The following ATP2C2 variants were observed in gnomAD, a reference collection of about 807,000 sequenced individuals.
The protein encoded by ATP2C2 is calcium-transporting ATPase type 2C member 2.
In ATP2C2, 171 loss-of-function variants were observed where a neutral mutation model predicts 110.8. The ratio of observed to expected loss-of-function variants is 1.54; its 90% CI spans 1.36 to 1.75. The LOEUF is 1.75. Ranked by LOEUF, ATP2C2 falls within the 40% of genes most tolerant of loss-of-function variation. ATP2C2 has a pLI of 0.00. For missense variants in ATP2C2, 1,963 were observed against 1,235.0 expected (o/e 1.59, Z -8.84); for synonymous variants, 804 against 508.4 (o/e 1.58, Z -7.82).
chr16:84,394,969 C>G (rs1367967749), intron 1 of ATP2C2, among the ~76,000 whole-genome samples: 1 of 152,146 alleles, frequency 6.6e-6, no homozygotes, highest in African/African-American at 2.4e-5. Flanking sequence ...ACAACATTCA[C>G]GTGCGTCAGT....
At chr16:84,394,380 A>G (rs927594136) in intron 1 of ATP2C2, among the ~76,000 whole-genome samples, 5 of 152,014 alleles carry the variant, frequency 3.3e-5, no homozygotes, top group African/African-American at 1.2e-4. Context: ...CCCCAGTCCC[A>G]GTCTGCTTTC....
In ATP2C2 at chr16:84,368,583, T is replaced by G. The variant is rs1230799954; in HGVS notation, c.-33T>G. The G allele has an allele frequency of 2.0e-6, 3 of 1,505,534 alleles. No individual in the cohort carries two copies. Among genetic ancestry groups the G allele is most frequent in the African/African-American group, 2.9e-5 (2 of 69,794 alleles). The allele number at this position is 1,505,534 out of a possible 1,614,324, so 93.3% of individuals were successfully genotyped here. A position where few individuals can be genotyped will look rare whatever the true frequency, so the allele number is the denominator to read the frequency against. On this transcript the variant is annotated 5_prime_UTR_variant, in exon 1 of 27. Transcript: ENST00000262429. ...GCCATCCCGGGCCTCGCCGGGGACC[T>G]AGGGACGCAGGCAACGCCTGCGCCC...
At chr16:84,368,980 C>T (rs182918060) in intron 1 of ATP2C2, among the ~76,000 whole-genome samples, 1 of 152,304 alleles carries the variant, frequency 6.6e-6, no homozygotes, top group East Asian at 1.9e-4. Context: ...CTAAGGGGCA[C>T]GGAGCTAGGA....
At chr16:84,388,392 G>C (rs905733315) in intron 1 of ATP2C2, among the ~76,000 whole-genome samples, 1 of 152,210 alleles carries the variant, frequency 6.6e-6, no homozygotes. Context: ...TACAGAACTT[G>C]CTGGAACACA....
At chr16:84,369,587 T>C (rs1909833859) in intron 1 of ATP2C2, among the ~76,000 whole-genome samples, 1 of 152,084 alleles carries the variant, frequency 6.6e-6, no homozygotes, top group Non-Finnish European at 1.5e-5. Context: ...ATTAGAAATA[T>C]GACTTGGCGA....
At chr16:84,454,039 C>T (rs1910564911) in intron 20 of ATP2C2, among the ~76,000 whole-genome samples, 1 of 152,158 alleles carries the variant, frequency 6.6e-6, no homozygotes, top group Non-Finnish European at 1.5e-5. Flanking sequence ...CAGGGTTTCG[C>T]CATGTTGGCC....
intron 11 of ATP2C2, among the ~76,000 whole-genome samples, chr16:84,430,237 C>T (rs1908145887): frequency 6.6e-6 from 1 of 152,132 alleles, no homozygotes; most frequent in African/African-American, 2.4e-5. Flanking sequence ...GGTGGATGGA[C>T]AACAAGCTCG....
intron 1 of ATP2C2, 81 bp from the exon 2 acceptor site, chr16:84,398,418 T>C (rs1398191784): frequency 3.5e-6 from 3 of 845,710 alleles, no homozygotes; most frequent in Non-Finnish European, 3.3e-6. Flanking sequence ...AAAAATAAAC[T>C]AATAAAAATA....
intron 11 of ATP2C2, among the ~76,000 whole-genome samples, chr16:84,437,663 A>C (rs748288605): frequency 6.6e-6 from 1 of 152,122 alleles, no homozygotes; most frequent in African/African-American, 2.4e-5. Flanking sequence ...TTACAGGTGC[A>C]TGCCACCACA....
At chr16:84,410,520 C>G in intron 4 of ATP2C2, 48 bp from the exon 5 acceptor site, 2 of 1,600,604 alleles carry the variant, frequency 1.2e-6, no homozygotes, top group East Asian at 2.2e-5. Flanking sequence ...CCTGTCCCCC[C>G]TCCCACTGAG....
chr16:84,444,811 C>G lies in ATP2C2; in HGVS notation c.1402-1518C>G, dbSNP rs147794583. ...AAGATTTTGGAATACAGAACAAACA[C>G]TGGCTGGCATGTAGGAAGTGCTGCC... On this transcript the variant is annotated intron_variant, in intron 15 of 26. Transcript: ENST00000262429. Among the ~76,000 whole-genome samples the G allele has an allele frequency of 7.2e-5, 11 of 152,332 alleles. No homozygotes were observed. The East Asian group carries it at 7.7e-4, about 11-fold the overall frequency.
In ATP2C2 at chr16:84,370,294, G is replaced by A. The variant is rs1168598909; in HGVS notation, c.99+1580G>A. Reference sequence around the variant, plus strand: ...GTGCTCTCCCACCTGGCTGTGGACCGGGGTGCTCTCAGCAGCATCCTGAGG... The same window carrying A: ...GTGCTCTCCCACCTGGCTGTGGACCAGGGTGCTCTCAGCAGCATCCTGAGG... On this transcript the variant is annotated intron_variant, in intron 1 of 26. Transcript: ENST00000262429. Among the ~76,000 whole-genome samples the A allele has an allele frequency of 2.6e-5, 4 of 152,202 alleles. No homozygotes were observed. In the East Asian group the frequency reaches 5.8e-4, roughly 22 times the overall value.
At chr16:84,417,833 C>G (rs1345790432) in intron 7 of ATP2C2, among the ~76,000 whole-genome samples, 1 of 152,212 alleles carries the variant, frequency 6.6e-6, no homozygotes, top group Admixed American at 6.5e-5. Context: ...TTCCATTAAA[C>G]AATCAATAGC....
intron 1 of ATP2C2, among the ~76,000 whole-genome samples, chr16:84,389,133 C>G (rs1377954884): frequency 6.6e-6 from 1 of 152,196 alleles, no homozygotes; most frequent in Non-Finnish European, 1.5e-5. Context: ...TCTTCTCTTT[C>G]TCTGAAACCC....
At chr16:84,399,665 T>C (rs1905202335) in intron 2 of ATP2C2, among the ~76,000 whole-genome samples, 1 of 152,206 alleles carries the variant, frequency 6.6e-6, no homozygotes, top group Non-Finnish European at 1.5e-5. Context: ...TGCATATTTA[T>C]GGGTTCCAGA....
intron 9 of ATP2C2, 31 bp downstream of exon 9, chr16:84,422,728 T>C: frequency 6.3e-7 from 1 of 1,580,928 alleles, no homozygotes; most frequent in Non-Finnish European, 8.6e-7. Flanking sequence ...TCGGGACTTT[T>C]GTAAGCTGGA....
chr16:84,379,848 C>T lies in ATP2C2; in HGVS notation c.99+11134C>T, dbSNP rs117756607. ...TTCCTCCAGTGAGTATATAATTACACACTGAGATAAACCCCAGGAAGGAAA... is the reference window on the plus strand; with the variant it reads ...TTCCTCCAGTGAGTATATAATTACATACTGAGATAAACCCCAGGAAGGAAA... On this transcript the variant is annotated intron_variant, in intron 1 of 26. Coordinates refer to ENST00000262429, the MANE Select transcript of ATP2C2 (RefSeq NM_014861.4). 2.0e-3 allele frequency among the ~76,000 whole-genome samples: 309 copies of T among 152,200 alleles called. 1 individual carries two copies. Among genetic ancestry groups the T allele is most frequent in the Middle Eastern group, 0.014 (4 of 294 alleles).
At chr16:84,451,343 G>A (rs1001659369) in intron 17 of ATP2C2, among the ~76,000 whole-genome samples, 1 of 152,140 alleles carries the variant, frequency 6.6e-6, no homozygotes. Flanking sequence ...ATGAGATTTG[G>A]GTGGGGACAC....
At chr16:84,423,888 G>C (rs771076204) in intron 10 of ATP2C2, among the ~76,000 whole-genome samples, 3 of 152,176 alleles carry the variant, frequency 2.0e-5, no homozygotes, top group African/African-American at 7.2e-5. Context: ...ACAACAAACA[G>C]CATTGACATG....
Sources: allele counts gnomAD v4.1 joint callset (sites outside exome capture counted in the v4.1 genomes callset), GRCh38; gene constraint gnomAD v4.1.1; transcripts MANE v1.5; gene names NCBI Gene and HGNC (gene_info 2026-07-23, HGNC 2026-07-21).